Variants in NAIF1 observed in about 807,000 individuals in gnomAD.
The protein encoded by NAIF1 is nuclear apoptosis inducing factor 1.
Under a neutral mutation model 20.7 loss-of-function variants are expected in NAIF1, and 14 were observed. The ratio of observed to expected loss-of-function variants is 0.67; its 90% confidence interval spans 0.45 to 1.05. The LOEUF is 1.05. NAIF1 is among the 50% of genes least tolerant of loss of function. The probability of loss-of-function intolerance (pLI) is 0.00; values close to 1 mark genes in which losing one functional copy is unlikely to be tolerated. For synonymous variants in NAIF1, 191 were observed against 191.4 expected (o/e 1.00, Z 0.02); for missense variants, 362 against 448.8 (o/e 0.81, Z 1.75).
intron 1 of NAIF1, among the ~76,000 whole-genome samples, chr9:128,065,110 CTTT>C (rs531413208): frequency 3.8e-5 from 5 of 130,400 alleles, no homozygotes; most frequent in Non-Finnish European, 4.8e-5. Flanking sequence ...ATGCTTTCTG[CTTT>C]TTTTTTTTTT....
At position 128,067,096 on chromosome 9, in the gene NAIF1, G is replaced by A; in HGVS notation, c.6C>T (p.Ala2=). M[A]VPAKKRKMNF... ...TCATCTTCCTTTTCTTGGCTGGGAC[G>A]GCCATGGCCTCTCCCCTCCCCTCTT... The change falls in exon 1 of 2, where the codon GCC becomes GCT. Residue 2 remains alanine, a synonymous_variant. Transcript: ENST00000373078. The A allele has an allele frequency of 1.3e-6, 2 of 1,593,644 alleles. No homozygotes were observed. Among genetic ancestry groups the A allele is most frequent in the Non-Finnish European group, 1.7e-6 (2 of 1,164,934 alleles).
Position 128,063,631 on chromosome 9 carries a change from G to C in NAIF1, c.781C>G (p.Gln261Glu). ...TCCTGGGCACAGGCCTGCACTTCCT[G>C]GGAGCGGCGGATCATCTGCAGTAGG... Reference protein sequence around the residue: ...NDLLQMIRRSQEVQACAQERQ... With the variant: ...NDLLQMIRRSEEVQACAQERQ... The change falls in exon 2 of 2, where the codon CAG becomes GAG. Residue 261 changes from glutamine (Q) to glutamate (E), a missense_variant. Gln to Glu is a conservative substitution (Grantham distance 29). Coordinates refer to ENST00000373078, the MANE Select transcript of NAIF1 (RefSeq NM_197956.4). This position sits in a 1 kb window ranked among gnomAD's most constrained non-coding sequence, Gnocchi z 4.3. 1.2e-6 allele frequency: 2 copies of C among 1,613,940 alleles called. No individual in the cohort carries two copies. Among genetic ancestry groups the C allele is most frequent in the Non-Finnish European group, 1.7e-6 (2 of 1,180,054 alleles).
Position 128,062,079 on chromosome 9 carries a change from C to T in NAIF1, c.*1349G>A, listed in dbSNP as rs1193891793. ...CAATCTCGGCTCACTGCAATCTCCG[C>T]CTCCTGGGTTCAAGCGATTCTCCTG... On this transcript the variant is annotated 3_prime_UTR_variant, in exon 2 of 2. Coordinates refer to ENST00000373078, the MANE Select transcript of NAIF1 (RefSeq NM_197956.4). The T allele has an allele frequency of 6.6e-6, 1 of 152,170 alleles. No individual in the cohort carries two copies. The highest frequency in any genetic ancestry group is 1.5e-5 in the Non-Finnish European group (1 of 68,100). The allele number at this position is 152,170 out of a possible 1,614,324, so 9.4% of individuals were successfully genotyped here.
chr9:128,063,922 G>A lies in NAIF1; in HGVS notation c.512-22C>T. On this transcript the variant is annotated intron_variant, in intron 1 of 1. Transcript: ENST00000373078. This position sits in a 1 kb window ranked among gnomAD's most constrained non-coding sequence, Gnocchi z 4.3. The stretch of plus-strand genomic sequence containing the variant: ...GGGACTGCACAGTAGAAAGAACAGA[G>A]GCCAAGGGAGGTCACTTTCTGGAAG... 1 of 1,587,102 alleles carries A rather than the reference G, an allele frequency of 6.3e-7. No individual in the cohort carries two copies. Among genetic ancestry groups the A allele is most frequent in the Non-Finnish European group, 8.6e-7 (1 of 1,169,540 alleles).
chr9:128,063,463 C>A lies in NAIF1; in HGVS notation c.949G>T (p.Ala317Ser), dbSNP rs557973183. The A allele has an allele frequency of 2.5e-5, 41 of 1,609,194 alleles. No individual in the cohort carries two copies. In the African/African-American group the frequency reaches 4.9e-4, roughly 19 times the overall value. Residue 317 changes from alanine to serine, a missense_variant, in exon 2 of 2, where the codon GCC becomes TCC. Physicochemically the swap from Ala to Ser is moderately conservative, Grantham distance 99. This residue lies in a region of NAIF1 where 300 missense variants were observed against 342.7 expected (regional missense o/e 0.88). Transcript: ENST00000373078. This position sits in a 1 kb window ranked among gnomAD's most constrained non-coding sequence, Gnocchi z 4.3. ...ATGCTGTCTGGCTGCCCATTCTGGG[C>A]CACCTGCCCAGGGTCAGAGGCGGGG... The part of the protein sequence containing the change: ...PAPASDPGQV[A>S]QNGQPDSIIQ
At chr9:128,066,413 G>C in intron 1 of NAIF1, 178 bp downstream of exon 1, 1 of 565,726 alleles carries the variant, frequency 1.8e-6, no homozygotes, top group Non-Finnish European at 2.8e-6. Context: ...CACGTGCTGA[G>C]GAAGTCCCAA....
chr9:128,064,458 G>A (rs1832756290), intron 1 of NAIF1, among the ~76,000 whole-genome samples: 1 of 152,142 alleles, frequency 6.6e-6, no homozygotes, highest in African/African-American at 2.4e-5. Context: ...CATAATACTA[G>A]CAAAACTTTT....
rs1832724481 is a variant in NAIF1 at position 128,062,068 on chromosome 9, T to G, written c.*1360A>C. 1 of 152,126 alleles carries G rather than the reference T, an allele frequency of 6.6e-6. No homozygotes were observed. 9.4% of individuals were successfully genotyped at this position (152,126 alleles called of 1,614,324 possible). A position where few individuals can be genotyped will look rare whatever the true frequency, so the allele number is the denominator to read the frequency against. On this transcript the variant is annotated 3_prime_UTR_variant, in exon 2 of 2. Transcript: ENST00000373078. ...GTGCAGCGGTGCAATCTCGGCTCAC[T>G]GCAATCTCCGCCTCCTGGGTTCAAG...
chr9:128,061,822 TG>T lies in NAIF1; in HGVS notation c.*1605del. 1 of 152,118 alleles carries T rather than the reference TG, an allele frequency of 6.6e-6. No individual in the cohort carries two copies. The highest frequency in any genetic ancestry group is 3.1e-3 in the Middle Eastern group (1 of 318). The allele number at this position is 152,118 out of a possible 1,614,324, so 9.4% of individuals were successfully genotyped here. ...ATGCAAGGGCCTTGGTAATTGATGGTGAGTCTGAAAATGAAACAGACAAATG... is the reference window on the plus strand; with the variant it reads ...ATGCAAGGGCCTTGGTAATTGATGGTAGTCTGAAAATGAAACAGACAAATG... On this transcript the variant is annotated 3_prime_UTR_variant, in exon 2 of 2. Coordinates refer to ENST00000373078, the MANE Select transcript of NAIF1 (RefSeq NM_197956.4).
rs1832795643 is a variant in NAIF1 at position 128,067,186 on chromosome 9, C to T, written c.-85G>A. On this transcript the variant is annotated 5_prime_UTR_variant, in exon 1 of 2. Transcript: ENST00000373078. ...CTTCTCTTCTTCCTCAGCCTCGCCC[C>T]TCACCCACCCCCTACAGGGGATAGG... 6.7e-7 allele frequency: 1 copy of T among 1,481,908 alleles called. No individual in the cohort carries two copies. The highest frequency in any genetic ancestry group is 1.4e-5 in the African/African-American group (1 of 71,500). The allele number at this position is 1,481,908 out of a possible 1,614,324, so 91.8% of individuals were successfully genotyped here.
At chr9:128,064,935 A>T (rs756331236) in intron 1 of NAIF1, among the ~76,000 whole-genome samples, 3 of 151,162 alleles carry the variant, frequency 2.0e-5, no homozygotes, top group Admixed American at 1.3e-4. Flanking sequence ...ATGCCATTGC[A>T]CTCCAGCCTG....
chr9:128,066,567 G>T, intron 1 of NAIF1, 24 bp downstream of exon 1: 1 of 1,480,594 alleles, frequency 6.8e-7, no homozygotes, highest in South Asian at 1.5e-5. Context: ...TATGCACGCC[G>T]CCTGGGCAGG....
rs1031365953 is a variant in NAIF1 at position 128,067,137 on chromosome 9, A to G, written c.-36T>C. 11 of 1,546,586 alleles carry G rather than the reference A, an allele frequency of 7.1e-6. No homozygotes were observed. The highest frequency in any genetic ancestry group is 1.9e-5 in the Admixed American group (1 of 53,134). On this transcript the variant is annotated 5_prime_UTR_variant, in exon 1 of 2. Coordinates refer to ENST00000373078, the MANE Select transcript of NAIF1 (RefSeq NM_197956.4). ...CTCCCCTCTTTTTAAAGAAATTATA[A>G]TCCCCTCAAGCGCCCCAATTCCCCT... is the stretch of plus-strand genomic sequence containing the variant.
At chr9:128,066,534 A>C in intron 1 of NAIF1, 57 bp downstream of exon 1, 9 of 1,465,550 alleles carry the variant, frequency 6.1e-6, no homozygotes, top group South Asian at 1.5e-5. Context: ...AGGCCACCCC[A>C]GAGCTTGCTG....
Position 128,063,636 on chromosome 9 carries a change from C to T in NAIF1, c.776G>A (p.Arg259His), listed in dbSNP as rs763414838. ...GGCACAGGCCTGCACTTCCTGGGAGCGGCGGATCATCTGCAGTAGGTCGTT... is the reference window on the plus strand; with the variant it reads ...GGCACAGGCCTGCACTTCCTGGGAGTGGCGGATCATCTGCAGTAGGTCGTT... Reference protein sequence around the residue: ...QQNDLLQMIRRSQEVQACAQE... With the variant: ...QQNDLLQMIRHSQEVQACAQE... The change falls in exon 2 of 2, where the codon CGC becomes CAC. Residue 259 changes from arginine (R) to histidine (H), a missense_variant. Physicochemically the swap from Arg to His is conservative, Grantham distance 29 (BLOSUM62 0). Transcript: ENST00000373078. This position sits in a 1 kb window ranked among gnomAD's most constrained non-coding sequence, Gnocchi z 4.3. The T allele has an allele frequency of 8.1e-6, 13 of 1,613,824 alleles. No individual in the cohort carries two copies. In the African/African-American group the frequency reaches 9.3e-5, roughly 12 times the overall value.
intron 1 of NAIF1, among the ~76,000 whole-genome samples, chr9:128,064,521 C>T (rs889538806): frequency 8.5e-5 from 13 of 152,232 alleles, no homozygotes; most frequent in Non-Finnish European, 1.8e-4. Flanking sequence ...AACAAATCCT[C>T]AAAATGACAC....
intron 1 of NAIF1, among the ~76,000 whole-genome samples, chr9:128,065,545 T>C (rs1018317554): frequency 1.3e-5 from 2 of 152,144 alleles, no homozygotes; most frequent in Non-Finnish European, 2.9e-5. Flanking sequence ...GTCAATCCGA[T>C]ACTTAAACAT....
At chr9:128,064,078 ATTTTTTTTTTTTTTT>A (rs869101033) in intron 1 of NAIF1, among the ~76,000 whole-genome samples, 178 bp from the exon 2 acceptor site, 2 of 105,324 alleles carry the variant, frequency 1.9e-5, no homozygotes, top group Non-Finnish European at 3.5e-5. Context: ...GGGGTTCAGA[ATTTTTTTTTTTTTTT>A]TTTTTTTTTT....
chr9:128,067,237 A>T lies in NAIF1; in HGVS notation c.-136T>A. 1 of 1,111,774 alleles carries T rather than the reference A, an allele frequency of 9.0e-7. No individual in the cohort carries two copies. Among genetic ancestry groups the T allele is most frequent in the Non-Finnish European group, 1.3e-6 (1 of 794,256 alleles). 68.9% of individuals were successfully genotyped at this position (1,111,774 alleles called of 1,614,324 possible). On this transcript the variant is annotated 5_prime_UTR_variant, in exon 1 of 2. Transcript: ENST00000373078. Reference sequence around the variant, plus strand: ...CCAGGCTTGCTCGAGGCCAAGCACTAGGCCTTTGGTAACCCCCCTCGCTAC... The same window carrying T: ...CCAGGCTTGCTCGAGGCCAAGCACTTGGCCTTTGGTAACCCCCCTCGCTAC...
Sources: allele counts gnomAD v4.1 joint callset (sites outside exome capture counted in the v4.1 genomes callset), GRCh38; gene constraint gnomAD v4.1.1; regional missense constraint gnomAD v4.1.1; non-coding constraint Gnocchi (gnomAD v3.1); transcripts MANE v1.5; gene names NCBI Gene and HGNC (gene_info 2026-07-23, HGNC 2026-07-21).